The following SLC19A3 variants were observed in gnomAD, a reference collection of about 807,000 sequenced individuals.
The protein encoded by SLC19A3 is thiamine transporter 2.
A neutral mutation model predicts 40.2 loss-of-function variants in SLC19A3; 31 were observed. The ratio of observed to expected loss-of-function variants is 0.77; its 90% CI spans 0.58 to 1.04. The LOEUF is 1.04. SLC19A3 is among the 50% of genes least tolerant of loss of function. The probability of loss-of-function intolerance (pLI) is 0.00; values close to 1 mark genes in which losing one functional copy is unlikely to be tolerated. For missense variants in SLC19A3, 592 were observed against 596.7 expected (o/e 0.99, Z 0.08); for synonymous variants, 212 against 227.5 (o/e 0.93, Z 0.61).
rs542994856 is a variant in SLC19A3, at chr2:227,691,323, G to C, written c.1173-3016C>G. 5.3e-5 allele frequency among the ~76,000 whole-genome samples: 8 copies of C among 152,286 alleles called. No homozygotes were observed. In the South Asian group the frequency reaches 1.2e-3, roughly 24 times the overall value. The stretch of plus-strand genomic sequence containing the variant: ...AAGTGCCTACATAAAAAAAAGAAGA[G>C]AGGCCGGGTGTGGTGGCCCATGTGT... On this transcript the variant is annotated intron_variant, in intron 4 of 5. Coordinates refer to ENST00000644224, the MANE Select transcript of SLC19A3 (RefSeq NM_025243.4).
rs563607795 is a variant in SLC19A3, at chr2:227,695,907, A to G, written c.1154T>C (p.Leu385Pro). ...AACTTACACTGCTATGGTTATAAGAAGCATATAGCTGGACTTGAATATCAA... is the reference window on the plus strand; with the variant it reads ...AACTTACACTGCTATGGTTATAAGAGGCATATAGCTGGACTTGAATATCAA... ...GYLIFKSSYMLLITIAVFQIA... is the reference protein window; with the variant it reads ...GYLIFKSSYMPLITIAVFQIA... Residue 385 changes from leucine (L) to proline (P), a missense_variant, in exon 4 of 6, where the codon CTT (leucine) becomes CCT (proline). Transcript: ENST00000644224. 9 of 1,614,094 alleles carry G rather than the reference A, an allele frequency of 5.6e-6. No individual in the cohort carries two copies. The East Asian group carries it at 2.0e-4, about 36-fold the overall frequency.
chr2:227,685,922 C>T lies in SLC19A3; in HGVS notation c.*1475G>A. ...TTAAAAATCAGGTGTTTTGGCCAGG[C>T]ATGGTGGCTCACGCCTGTAATCTCA... is the stretch of plus-strand genomic sequence containing the variant. On this transcript the variant is annotated 3_prime_UTR_variant, in exon 6 of 6. Transcript: ENST00000644224. 1 of 165,396 alleles carries T rather than the reference C, an allele frequency of 6.0e-6. No individual in the cohort carries two copies. The highest frequency in any genetic ancestry group is 1.3e-5 in the Non-Finnish European group (1 of 75,332). 10.2% of individuals were successfully genotyped at this position (165,396 alleles called of 1,614,324 possible).
Position 227,696,028 on chromosome 2 carries a change from C to T in SLC19A3, c.1033G>A (p.Gly345Arg), listed in dbSNP as rs774340569. The T allele has an allele frequency of 1.9e-6, 3 of 1,614,148 alleles. No individual in the cohort carries two copies. The highest frequency in any genetic ancestry group is 3.3e-5 in the Admixed American group (2 of 60,006). ...GAGAAGACCACCAGAGCCAGCTCTC[C>T]CAGAAGGTCCCAGTTGACTTTCACA... ...GYVKVNWDLL[G>R]ELALVVFSVV... Residue 345 changes from glycine to arginine, a missense_variant, in exon 4 of 6, where the codon GGA (glycine) becomes AGA (arginine). Gly to Arg is a moderately radical substitution (Grantham distance 125). Transcript: ENST00000644224.
chr2:227,687,977 T>G (rs1023108333), intron 5 of SLC19A3, among the ~76,000 whole-genome samples, 189 bp downstream of exon 5: 2 of 152,240 alleles, frequency 1.3e-5, no homozygotes, highest in African/African-American at 4.8e-5. Flanking sequence ...ACCTGCCTTA[T>G]CCATGTAAAT....
chr2:227,709,055 G>A (rs2106339780), intron 1 of SLC19A3, among the ~76,000 whole-genome samples: 1 of 152,330 alleles, frequency 6.6e-6, no homozygotes, highest in Non-Finnish European at 1.5e-5. Flanking sequence ...GACATGGATA[G>A]TGTCCTATTT....
intron 3 of SLC19A3, among the ~76,000 whole-genome samples, chr2:227,697,384 G>T (rs992379161): frequency 1.3e-5 from 2 of 152,162 alleles, no homozygotes; most frequent in Non-Finnish European, 2.9e-5. Flanking sequence ...TGACATTTAA[G>T]CTTCCAGTTA....
chr2:227,686,274 A>T lies in SLC19A3; in HGVS notation c.*1123T>A. ...TTTCTTATTTCTAATACTTCTAGAAACCTCCTTTAAGTTTTCCTATTTTAG... is the reference window on the plus strand; with the variant it reads ...TTTCTTATTTCTAATACTTCTAGAATCCTCCTTTAAGTTTTCCTATTTTAG... On this transcript the variant is annotated 3_prime_UTR_variant, in exon 6 of 6. Coordinates refer to ENST00000644224, the MANE Select transcript of SLC19A3 (RefSeq NM_025243.4). 3.2e-6 allele frequency: 1 copy of T among 317,264 alleles called. No individual in the cohort carries two copies. The highest frequency in any genetic ancestry group is 6.4e-6 in the Non-Finnish European group (1 of 155,240). 19.7% of individuals were successfully genotyped at this position (317,264 alleles called of 1,614,324 possible).
rs2106347683 is a variant in SLC19A3 at position 227,717,960 on chromosome 2, T to C, written c.-20A>G. 2 of 985,160 alleles carry C rather than the reference T, an allele frequency of 2.0e-6. No individual in the cohort carries two copies. Among genetic ancestry groups the C allele is most frequent in the South Asian group, 4.7e-5 (1 of 21,192 alleles). 61.0% of individuals were successfully genotyped at this position (985,160 alleles called of 1,614,324 possible). On this transcript the variant is annotated 5_prime_UTR_variant, in exon 1 of 6. Coordinates refer to ENST00000644224, the MANE Select transcript of SLC19A3 (RefSeq NM_025243.4). Reference sequence around the variant, plus strand: ...ATTCTTACCTACAGAAGGGAGTGTCTGTTCACCAAATCGCTCACTTGCCGC... The same window carrying C: ...ATTCTTACCTACAGAAGGGAGTGTCCGTTCACCAAATCGCTCACTTGCCGC...
intron 1 of SLC19A3, among the ~76,000 whole-genome samples, chr2:227,711,428 A>AAAAT (rs1248320766): frequency 2.5e-5 from 3 of 119,564 alleles, no homozygotes; most frequent in Non-Finnish European, 5.2e-5. Context: ...TCAAAAAAAT[A>AAAAT]AAATAAAATA....
At chr2:227,701,233 TAC>T (rs1482781201) in intron 2 of SLC19A3, 2 of 495,156 alleles carry the variant, frequency 4.0e-6, no homozygotes, top group East Asian at 1.6e-4. Context: ...CCACACACTT[TAC>T]ACAGTGTTTT....
chr2:227,702,844 A>G (rs899772718), intron 1 of SLC19A3: 1 of 165,184 alleles, frequency 6.1e-6, no homozygotes, highest in African/African-American at 2.4e-5. Context: ...TAATGTTTAT[A>G]GATTTTTGAT....
chr2:227,699,937 G>A (rs1695614603), intron 2 of SLC19A3, among the ~76,000 whole-genome samples: 1 of 151,936 alleles, frequency 6.6e-6, no homozygotes, highest in Non-Finnish European at 1.5e-5. Flanking sequence ...GAGTGCAGTG[G>A]CCCGATCTTC....
At chr2:227,688,121 A>C (rs1695088893) in intron 5 of SLC19A3, 45 bp downstream of exon 5, 2 of 1,611,972 alleles carry the variant, frequency 1.2e-6, no homozygotes, top group East Asian at 4.5e-5. Context: ...AAGGTTGAGA[A>C]ATTTTTGAGG....
At chr2:227,713,175 C>G (rs1360888018) in intron 1 of SLC19A3, among the ~76,000 whole-genome samples, 1 of 152,002 alleles carries the variant, frequency 6.6e-6, no homozygotes, top group Non-Finnish European at 1.5e-5. Context: ...GAGGCTGAGG[C>G]AGGATTGCTT....
At chr2:227,693,252 C>T (rs746504615) in intron 4 of SLC19A3, among the ~76,000 whole-genome samples, 147 of 151,776 alleles carry the variant, frequency 9.7e-4, no homozygotes, top group Non-Finnish European at 1.4e-3. Context: ...CTATCCTAAG[C>T]AAAACAAAAC....
rs1294383091 is a variant in SLC19A3 at position 227,703,268 on chromosome 2, C to A, written c.-2-948G>T. On this transcript the variant is annotated intron_variant, in intron 1 of 5. Transcript: ENST00000644224. The surrounding 1 kb of genome is among the most constrained non-coding windows in gnomAD (Gnocchi z 4.7). ...AAAGCAGACGAGAGAGAAGGAAAAG[C>A]ATTCTCATTCCGGAATAGCAAGTCT... 6.6e-6 allele frequency among the ~76,000 whole-genome samples: 1 copy of A among 152,190 alleles called. No homozygotes were observed. The highest frequency in any genetic ancestry group is 1.5e-5 in the Non-Finnish European group (1 of 68,026).
In SLC19A3 at chr2:227,687,524, AT is replaced by A. The variant is rs1377634284; in HGVS notation, c.1363del (p.Met455Ter). The A allele has an allele frequency of 1.9e-6, 3 of 1,614,010 alleles. No homozygotes were observed. The African/African-American group carries it at 4.0e-5, about 22-fold the overall frequency. On this transcript the variant is annotated frameshift_variant, in exon 6 of 6. Coordinates refer to ENST00000644224, the MANE Select transcript of SLC19A3 (RefSeq NM_025243.4). LOFTEE classifies it low-confidence loss of function (END_TRUNC). Reference sequence around the variant, plus strand: ...TGAGTAGGTAATATACATGCTTCTCATTAGGAAAATTCCAGCAATTACTGCA... The same window carrying A: ...TGAGTAGGTAATATACATGCTTCTCATAGGAAAATTCCAGCAATTACTGCA... Reference protein sequence around the residue: ...YFAVIAGIFLMRSMYITYSTK... With the variant: ...YFAVIAGIFLXRSMYITYSTK...
chr2:227,715,969 A>C (rs1696321821), intron 1 of SLC19A3, among the ~76,000 whole-genome samples: 1 of 151,826 alleles, frequency 6.6e-6, no homozygotes, highest in Admixed American at 6.6e-5. Flanking sequence ...AAAAAAAAAA[A>C]AAAAAATTTC....
At chr2:227,714,504 C>A in intron 1 of SLC19A3, 4 of 985,358 alleles carry the variant, frequency 4.1e-6, no homozygotes, top group Non-Finnish European at 4.8e-6. Flanking sequence ...TGGCTTCCTG[C>A]CTTCAGGTCC....
Sources: gnomAD v4.1 joint callset for allele counts (sites outside exome capture counted in the v4.1 genomes callset) on GRCh38, gnomAD v4.1.1 for gene constraint, Gnocchi (gnomAD v3.1) non-coding constraint, MANE v1.5 for transcripts, NCBI Gene and HGNC (gene_info 2026-07-23, HGNC 2026-07-21) for gene names.